Variants in AKIRIN2 observed in about 807,000 individuals in gnomAD.
AKIRIN2 encodes akirin 2, also known as akirin-2.
AKIRIN2 carries 6 observed loss-of-function variants against 29.3 expected under a neutral mutation model. The observed-to-expected ratio is 0.20, with a 90% CI of 0.11 to 0.40. The LOEUF is 0.40. Among genes scored for constraint, AKIRIN2 ranks in the 10% least tolerant of loss-of-function variants. The pLI is 1.00. For missense variants in AKIRIN2, 210 were observed against 276.1 expected (o/e 0.76, Z 1.70); for synonymous variants, 128 against 117.5 (o/e 1.09, Z -0.58).
chr6:87,696,293 T>C lies in AKIRIN2; in HGVS notation c.235+5157A>G, dbSNP rs183832286. On this transcript the variant is annotated intron_variant, in intron 1 of 4. Coordinates refer to ENST00000257787, the MANE Select transcript of AKIRIN2 (RefSeq NM_018064.4). Reference sequence around the variant, plus strand: ...CTTTACATCTCAGGTTATGTCTCCGTGGCAACCATAGTGAATAGTACCTTC... The same window carrying C: ...CTTTACATCTCAGGTTATGTCTCCGCGGCAACCATAGTGAATAGTACCTTC... Among the ~76,000 whole-genome samples the C allele has an allele frequency of 6.8e-4, 104 of 152,326 alleles. No homozygotes were observed. The Middle Eastern group carries it at 0.01, about 15-fold the overall frequency.
Position 87,675,422 on chromosome 6 carries a change from C to G in AKIRIN2, c.*175G>C. On this transcript the variant is annotated 3_prime_UTR_variant, in exon 5 of 5. Coordinates refer to ENST00000257787, the MANE Select transcript of AKIRIN2 (RefSeq NM_018064.4). ...AAGGTCCACATCCAGGTGGTACTGA[C>G]ATCAGGGAAATTTCCAAAACCAGTT... is the stretch of plus-strand genomic sequence containing the variant. The G allele has an allele frequency of 1.3e-6, 1 of 764,674 alleles. No individual in the cohort carries two copies. Among genetic ancestry groups the G allele is most frequent in the Non-Finnish European group, 2.2e-6 (1 of 452,108 alleles). 47.4% of individuals were successfully genotyped at this position (764,674 alleles called of 1,614,324 possible). A position where few individuals can be genotyped will look rare whatever the true frequency, so the allele number is the denominator to read the frequency against.
In AKIRIN2 at chr6:87,700,267, CA is replaced by C. The variant is rs10659226; in HGVS notation, c.235+1182del. Among the ~76,000 whole-genome samples, 405 of 142,002 alleles carry C rather than the reference CA, an allele frequency of 2.9e-3. 1 individual carries two copies. The highest frequency in any genetic ancestry group is 9.5e-3 in the African/African-American group (367 of 38,464). 93.2% of individuals were successfully genotyped at this position (142,002 alleles called of 152,430 possible). On this transcript the variant is annotated intron_variant, in intron 1 of 4. Coordinates refer to ENST00000257787, the MANE Select transcript of AKIRIN2 (RefSeq NM_018064.4). ...ATTTAGAAAATATTTTTAAATGTGA[CA>C]AAAAAAAAAAAACACTAAAGTCAGT... is the stretch of plus-strand genomic sequence containing the variant.
chr6:87,683,451 G>A (rs769023832), intron 1 of AKIRIN2, among the ~76,000 whole-genome samples: 5 of 152,174 alleles, frequency 3.3e-5, no homozygotes, highest in African/African-American at 4.8e-5. Context: ...AGTGACAGTC[G>A]TTAAATTATT....
At chr6:87,701,323 C>G (rs1771460449) in intron 1 of AKIRIN2, 127 bp downstream of exon 1, 1 of 976,566 alleles carries the variant, frequency 1.0e-6, no homozygotes, top group Admixed American at 3.6e-5. Context: ...CGTGGCTGCC[C>G]TACTACTTTG....
chr6:87,685,427 T>C (rs961762019), intron 1 of AKIRIN2, among the ~76,000 whole-genome samples: 4 of 152,248 alleles, frequency 2.6e-5, no homozygotes, highest in Admixed American at 6.5e-5. Flanking sequence ...AGTCAAGTAC[T>C]TGCCTACTTA....
At chr6:87,697,307 G>GGA (rs1771386311) in intron 1 of AKIRIN2, among the ~76,000 whole-genome samples, 1 of 71,578 alleles carries the variant, frequency 1.4e-5, no homozygotes, top group African/African-American at 4.4e-5. Context: ...TTTGTCTCAA[G>GGA]AAAAAAAAAA....
chr6:87,686,973 G>T (rs1771198092), intron 1 of AKIRIN2, among the ~76,000 whole-genome samples: 1 of 149,340 alleles, frequency 6.7e-6, no homozygotes, highest in South Asian at 2.1e-4. Context: ...TTGAACACGG[G>T]AGGTGAAGGT....
In AKIRIN2 at chr6:87,701,908, G is replaced by T. The variant is rs533983739; in HGVS notation, c.-224C>A. On this transcript the variant is annotated 5_prime_UTR_variant, in exon 1 of 5. Transcript: ENST00000257787. ...GGACGGCCCGGGTGAGAGCGGGAGG[G>T]GCGGTGGCGGGCAGAAGCACACGCC... 844 of 413,436 alleles carry T rather than the reference G, an allele frequency of 2.0e-3. 4 individuals are homozygous for T. Among genetic ancestry groups the T allele is most frequent in the African/African-American group, 0.016 (763 of 48,780 alleles). 25.6% of individuals were successfully genotyped at this position (413,436 alleles called of 1,614,324 possible).
At chr6:87,689,106 G>C (rs16879704) in intron 1 of AKIRIN2, among the ~76,000 whole-genome samples, 19,902 of 152,154 alleles carry the variant, frequency 0.13, 1,463 homozygotes, top group African/African-American at 0.19. Context: ...CCAGCTTGCA[G>C]AGACTGAGAA....
At chr6:87,686,423 G>C (rs1678267600) in intron 1 of AKIRIN2, among the ~76,000 whole-genome samples, 1 of 152,044 alleles carries the variant, frequency 6.6e-6, no homozygotes, top group South Asian at 2.1e-4. Flanking sequence ...CATGGAATTA[G>C]AAGCAACTAA....
In AKIRIN2 at chr6:87,694,414, G is replaced by C. The variant is rs572940520; in HGVS notation, c.235+7036C>G. ...AAAGCATAAAGTGCTAGCTAATAAA[G>C]TATCAACAGTGGCTGCTCTATCATC... On this transcript the variant is annotated intron_variant, in intron 1 of 4. Transcript: ENST00000257787. Among the ~76,000 whole-genome samples the C allele has an allele frequency of 8.5e-5, 13 of 152,278 alleles. No homozygotes were observed. The East Asian group carries it at 2.5e-3, about 29-fold the overall frequency.
At chr6:87,696,483 T>C (rs1022158787) in intron 1 of AKIRIN2, among the ~76,000 whole-genome samples, 1 of 151,516 alleles carries the variant, frequency 6.6e-6, no homozygotes, top group Non-Finnish European at 1.5e-5. Context: ...GGGCAGATCA[T>C]GAGGCCAGAA....
At chr6:87,679,109 T>G (rs1771075054) in intron 2 of AKIRIN2, among the ~76,000 whole-genome samples, 1 of 131,016 alleles carries the variant, frequency 7.6e-6, no homozygotes, top group South Asian at 2.3e-4. Flanking sequence ...CACTCCAGCC[T>G]AGGCAACAAG....
intron 1 of AKIRIN2, among the ~76,000 whole-genome samples, chr6:87,697,657 G>A (rs543691632): frequency 6.6e-6 from 1 of 152,324 alleles, no homozygotes; most frequent in Admixed American, 6.5e-5. Flanking sequence ...TTTCATTGAA[G>A]CCAGCTGGTG....
chr6:87,679,660 CAAA>C (rs1771087203), intron 2 of AKIRIN2, among the ~76,000 whole-genome samples: 1 of 150,000 alleles, frequency 6.7e-6, no homozygotes, highest in South Asian at 2.1e-4. Flanking sequence ...ATGCTATGCT[CAAA>C]ACTCTATACC....
In AKIRIN2 at chr6:87,701,435, G is replaced by A. The variant is rs1771463066; in HGVS notation, c.235+15C>T. 2.6e-6 allele frequency: 4 copies of A among 1,530,684 alleles called. No homozygotes were observed. The highest frequency in any genetic ancestry group is 1.2e-5 in the South Asian group (1 of 83,510). The allele number at this position is 1,530,684 out of a possible 1,614,324, so 94.8% of individuals were successfully genotyped here. ...TTCTCTCCACTACCCCGGCGGCCGCGGGGCCGGGTCCCACCTGTGGTGAGG... is the reference window on the plus strand; with the variant it reads ...TTCTCTCCACTACCCCGGCGGCCGCAGGGCCGGGTCCCACCTGTGGTGAGG... On this transcript the variant is annotated intron_variant, in intron 1 of 4. Transcript: ENST00000257787.
Position 87,677,879 on chromosome 6 carries a change from C to G in AKIRIN2, c.468G>C (p.Leu156Phe). Residue 156 changes from leucine to phenylalanine, a missense_variant, in exon 3 of 5, where the codon TTG becomes TTC. This residue lies in a region of AKIRIN2 where 199 missense variants were observed against 236.5 expected (regional missense o/e 0.84). Coordinates refer to ENST00000257787, the MANE Select transcript of AKIRIN2 (RefSeq NM_018064.4). ...CTCGAACTTTCTCTTCACGTTCTTT[C>G]AACAAACGTTCACAGATCATCCCAA... ...RQVGMICERLLKEREEKVREE... is the reference protein window; with the variant it reads ...RQVGMICERLFKEREEKVREE... The G allele has an allele frequency of 6.2e-7, 1 of 1,613,992 alleles. No homozygotes were observed. Among genetic ancestry groups the G allele is most frequent in the Non-Finnish European group, 8.5e-7 (1 of 1,179,964 alleles).
chr6:87,695,811 T>C (rs1771350741), intron 1 of AKIRIN2, among the ~76,000 whole-genome samples: 1 of 152,250 alleles, frequency 6.6e-6, no homozygotes, highest in Non-Finnish European at 1.5e-5. Context: ...GCACTTCCAC[T>C]GAAGCTTTTA....
At chr6:87,678,484 G>T (rs940622933) in intron 2 of AKIRIN2, among the ~76,000 whole-genome samples, 2 of 151,734 alleles carry the variant, frequency 1.3e-5, no homozygotes, top group Non-Finnish European at 2.9e-5. Context: ...CCTGGGCAAA[G>T]AGAGTGAAAC....
Sources: gnomAD v4.1 joint callset for allele counts (sites outside exome capture counted in the v4.1 genomes callset) on GRCh38, gnomAD v4.1.1 for gene constraint, gnomAD v4.1.1 regional missense constraint, MANE v1.5 for transcripts, NCBI Gene and HGNC (gene_info 2026-07-23, HGNC 2026-07-21) for gene names.